Variants in GRIK1 observed in about 807,000 individuals in gnomAD.
GRIK1 encodes the protein glutamate ionotropic receptor kainate type subunit 1, also known as glutamate receptor ionotropic, kainate 1.
GRIK1 carries 69 observed loss-of-function variants against 105.7 expected under a neutral mutation model. The observed-to-expected ratio is 0.65, with a 90% CI of 0.54 to 0.80. The LOEUF (loss-of-function observed/expected upper bound fraction) is 0.80. Ranked by LOEUF, GRIK1 falls within the 30% of genes least tolerant of loss-of-function variation. GRIK1 has a pLI of 0.00. For synonymous variants in GRIK1, 438 were observed against 431.3 expected (o/e 1.02, Z -0.19); for missense variants, 1,109 against 1,167.3 (o/e 0.95, Z 0.73).
intron 1 of GRIK1, chr21:29,758,858 G>A (rs985949557): frequency 1.3e-5 from 2 of 152,860 alleles, no homozygotes; most frequent in Admixed American, 1.3e-4. Context: ...CAGAGCTATG[G>A]AGGATGCAGC....
intron 1 of GRIK1, among the ~76,000 whole-genome samples, chr21:29,781,209 C>CTGTGCTTCTTTGCAACTT (rs1228778204): frequency 7.2e-5 from 11 of 152,080 alleles, no homozygotes; most frequent in Non-Finnish European, 1.5e-4. Context: ...TCATACCTAT[C>CTGTGCTTCTTTGCAACTT]TGTGCTTCTT....
intron 1 of GRIK1, among the ~76,000 whole-genome samples, chr21:29,746,911 A>C (rs58874842): frequency 0.011 from 1,739 of 152,306 alleles, 35 homozygotes; most frequent in African/African-American, 0.04. Context: ...AATCAAAAGG[A>C]AAAAGTATCA....
intron 17 of GRIK1, 106 bp from the exon 18 acceptor site, chr21:29,537,491 G>A (rs895265803): frequency 1.1e-6 from 1 of 910,530 alleles, no homozygotes; most frequent in Non-Finnish European, 1.7e-6. Context: ...TGGCTTGAAG[G>A]CAGCTCTGTC....
chr21:29,646,461 T>G (rs1284663819), intron 6 of GRIK1, among the ~76,000 whole-genome samples: 1 of 151,512 alleles, frequency 6.6e-6, no homozygotes, highest in African/African-American at 2.4e-5. Flanking sequence ...TTGCTATAAA[T>G]CTGTCATTGT....
intron 1 of GRIK1, among the ~76,000 whole-genome samples, chr21:29,724,259 G>A (rs1191107694): frequency 6.6e-6 from 1 of 152,238 alleles, no homozygotes; most frequent in African/African-American, 2.4e-5. Context: ...TGATGTGGAA[G>A]ATGAGAATGA....
At chr21:29,851,464 A>T (rs1057303237) in intron 1 of GRIK1, among the ~76,000 whole-genome samples, 2 of 152,206 alleles carry the variant, frequency 1.3e-5, no homozygotes, top group African/African-American at 4.8e-5. Context: ...TGTGAACAAC[A>T]TCCTCTTCCC....
At chr21:29,540,248 A>G (rs2089947359) in intron 16 of GRIK1, among the ~76,000 whole-genome samples, 1 of 152,218 alleles carries the variant, frequency 6.6e-6, no homozygotes, top group South Asian at 2.1e-4. Context: ...TTAAAGTACA[A>G]CAAACATCTT....
intron 1 of GRIK1, among the ~76,000 whole-genome samples, chr21:29,915,093 C>T (rs919202059): frequency 6.6e-6 from 1 of 151,980 alleles, no homozygotes; most frequent in Non-Finnish European, 1.5e-5. Context: ...TTAATGAAGA[C>T]TTTAGTGATA....
chr21:29,642,370 T>C (rs1237577910), intron 7 of GRIK1, among the ~76,000 whole-genome samples: 2 of 152,176 alleles, frequency 1.3e-5, no homozygotes, highest in African/African-American at 4.8e-5. Flanking sequence ...GACAAAATAG[T>C]CACTATATAA....
rs551291286 is a variant in GRIK1, at chr21:29,816,020, T to C, written c.119-121957A>G. Among the ~76,000 whole-genome samples, 6 of 152,104 alleles carry C rather than the reference T, an allele frequency of 3.9e-5. 1 individual carries two copies. In the South Asian group the frequency reaches 1.0e-3, roughly 26 times the overall value. On this transcript the variant is annotated intron_variant, in intron 1 of 17. Coordinates refer to ENST00000327783, the MANE Select transcript of GRIK1 (RefSeq NM_001330994.2). ...ACAGAGTGAAGAGACAATCTATTGA[T>C]GGGAAAAAATACCTGCCAACTATTC...
intron 1 of GRIK1, among the ~76,000 whole-genome samples, chr21:29,935,106 C>G (rs2832493): frequency 0.63 from 95,398 of 151,946 alleles, 31,278 homozygotes; most frequent in East Asian, 0.83. Flanking sequence ...CTCTGAGTTT[C>G]TTCCAGGTTT....
chr21:29,542,186 G>A (rs919277258), intron 16 of GRIK1, among the ~76,000 whole-genome samples: 4 of 152,154 alleles, frequency 2.6e-5, no homozygotes, highest in Admixed American at 6.5e-5. Context: ...TTTGCAGAAA[G>A]TTATTTCTCT....
chr21:29,717,965 C>T (rs1399355944), intron 1 of GRIK1, among the ~76,000 whole-genome samples: 1 of 152,042 alleles, frequency 6.6e-6, no homozygotes, highest in Non-Finnish European at 1.5e-5. Context: ...TTACCCTATG[C>T]TGTTATCATG....
chr21:29,813,858 GTCCA>G lies in GRIK1; in HGVS notation c.119-119799_119-119796del, dbSNP rs894478619. Among the ~76,000 whole-genome samples the G allele has an allele frequency of 7.3e-5, 11 of 150,420 alleles. No individual in the cohort carries two copies. The Middle Eastern group carries it at 0.011, about 145-fold the overall frequency. Reference sequence around the variant, plus strand: ...GAGATCCACAGAAGTGAAGTGTCTTGTCCATCCACTACGTACTAAACACTGAGGC... The same window carrying G: ...GAGATCCACAGAAGTGAAGTGTCTTGTCCACTACGTACTAAACACTGAGGC... On this transcript the variant is annotated intron_variant, in intron 1 of 17. Transcript: ENST00000327783.
intron 2 of GRIK1, 78 bp from the exon 3 acceptor site, chr21:29,690,063 A>G: frequency 8.6e-7 from 1 of 1,166,182 alleles, no homozygotes; most frequent in Non-Finnish European, 1.2e-6. Context: ...CTATGAATTT[A>G]ATTTTTTCTT....
At chr21:29,705,377 T>C (rs898764693) in intron 1 of GRIK1, among the ~76,000 whole-genome samples, 6 of 152,252 alleles carry the variant, frequency 3.9e-5, no homozygotes, top group African/African-American at 1.4e-4. Context: ...CAATGACATT[T>C]GTCTCTCAGA....
At chr21:29,741,536 T>C (rs2064929280) in intron 1 of GRIK1, among the ~76,000 whole-genome samples, 1 of 152,196 alleles carries the variant, frequency 6.6e-6, no homozygotes, top group Non-Finnish European at 1.5e-5. Flanking sequence ...GACTTTCCTA[T>C]TTCTACCTTT....
chr21:29,805,595 A>G (rs1349850885), intron 1 of GRIK1, among the ~76,000 whole-genome samples: 1 of 152,184 alleles, frequency 6.6e-6, no homozygotes, highest in Non-Finnish European at 1.5e-5. Flanking sequence ...TAGGTACTTT[A>G]TAAAGCTAAA....
chr21:29,911,183 G>C (rs1051764053), intron 1 of GRIK1, among the ~76,000 whole-genome samples: 1 of 152,116 alleles, frequency 6.6e-6, no homozygotes, highest in East Asian at 1.9e-4. Context: ...TAAATATAGA[G>C]AGATTGAGTA....
Sources: allele counts gnomAD v4.1 joint callset (sites outside exome capture counted in the v4.1 genomes callset), GRCh38; gene constraint gnomAD v4.1.1; transcripts MANE v1.5; gene names NCBI Gene and HGNC (gene_info 2026-07-23, HGNC 2026-07-21).